AP5Z1: variants seen among roughly 807,000 people sequenced by gnomAD.
AP5Z1 encodes the protein AP-5 complex subunit zeta-1.
A neutral mutation model predicts 83.0 loss-of-function variants in AP5Z1; 106 were observed. The observed-to-expected ratio is 1.28, with a 90% CI of 1.09 to 1.50. The LOEUF (loss-of-function observed/expected upper bound fraction) is 1.50. Among genes scored for constraint, AP5Z1 ranks in the 40% most tolerant of loss-of-function variants. The pLI, the probability that AP5Z1 is intolerant of heterozygous loss-of-function variation, is 0.00. For missense variants in AP5Z1, 1,565 were observed against 1,094.2 expected, an observed-to-expected ratio of 1.43 and a Z score of -6.07; for synonymous variants, 751 against 514.1, an observed-to-expected ratio of 1.46 and a Z score of -6.23.
chr7:4,775,659 C>A lies in AP5Z1; in HGVS notation c.-57C>A. On this transcript the variant is annotated 5_prime_UTR_variant, in exon 1 of 17. In the 5' UTR this introduces an upstream ATG that the reference lacks. Transcript: ENST00000649063. ...GGAAGTTGACCGGGGTGCGGAGCTCCTGGGCTGCAGCTCCTGGAGTTTCCG... is the reference window on the plus strand; with the variant it reads ...GGAAGTTGACCGGGGTGCGGAGCTCATGGGCTGCAGCTCCTGGAGTTTCCG... The A allele has an allele frequency of 1.2e-6, 2 of 1,602,058 alleles. No individual in the cohort carries two copies. Among genetic ancestry groups the A allele is most frequent in the Non-Finnish European group, 1.7e-6 (2 of 1,178,698 alleles).
At chr7:4,784,758 G>A in intron 6 of AP5Z1, 150 bp from the exon 7 acceptor site, 1 of 1,098,734 alleles carries the variant, frequency 9.1e-7, no homozygotes, top group Non-Finnish European at 1.3e-6. Context: ...GAAGCTGCCG[G>A]GTGGGTGGAC....
chr7:4,785,301 T>C (rs1202601325), intron 7 of AP5Z1, 114 bp from the exon 8 acceptor site: 16 of 1,419,982 alleles, frequency 1.1e-5, no homozygotes, highest in Non-Finnish European at 1.4e-5. Context: ...CCTGGGGGCC[T>C]GTCCCACCCC....
chr7:4,791,046 C>A, intron 16 of AP5Z1, 69 bp from the exon 17 acceptor site: 2 of 1,487,884 alleles, frequency 1.3e-6, no homozygotes, highest in South Asian at 1.3e-5. Flanking sequence ...TCAGGCCTGG[C>A]CCCTCCACAC....
At position 4,788,312 on chromosome 7, in the gene AP5Z1, C is replaced by T. The variant is rs762908526; in HGVS notation, c.1595+18C>T. 1 of 1,563,156 alleles carries T rather than the reference C, an allele frequency of 6.4e-7. No individual in the cohort carries two copies. The highest frequency in any genetic ancestry group is 8.7e-7 in the Non-Finnish European group (1 of 1,153,944). On this transcript the variant is annotated intron_variant, in intron 12 of 16. Transcript: ENST00000649063. ...ACTGAGAGGTACGGGGCCCTAGGGC[C>T]AGGGGGCCACCAGTGGCTCAGAGAG... is the stretch of plus-strand genomic sequence containing the variant.
intron 3 of AP5Z1, 24 bp downstream of exon 3, chr7:4,781,778 GT>G: frequency 6.6e-7 from 1 of 1,519,592 alleles, no homozygotes; most frequent in Non-Finnish European, 8.9e-7. Context: ...CACCACCCCA[GT>G]TGGCACCGGA....
intron 1 of AP5Z1, among the ~76,000 whole-genome samples, chr7:4,776,746 G>C (rs1442146786): frequency 6.6e-6 from 1 of 151,660 alleles, no homozygotes; most frequent in African/African-American, 2.4e-5. Flanking sequence ...AAAGAAAAAA[G>C]AAAAAAAGTA....
rs752031110 is a variant in AP5Z1 at position 4,781,190 on chromosome 7, G to T, written c.57G>T (p.Glu19Asp). The T allele has an allele frequency of 1.2e-6, 2 of 1,613,736 alleles. No individual in the cohort carries two copies. The highest frequency in any genetic ancestry group is 8.5e-7 in the Non-Finnish European group (1 of 1,179,644). Residue 19 changes from glutamate to aspartate, a missense_variant, in exon 2 of 17, where the codon GAG becomes GAT. Transcript: ENST00000649063. ...CTTTGTTTAGGGAGATCCAGGACGA[G>T]GAGCTGAAGAAGTTCTGTTCCCGGA... ...LLHQAREIQD[E>D]ELKKFCSRIC...
chr7:4,788,226 C>A lies in AP5Z1; in HGVS notation c.1527C>A (p.Phe509Leu). 1 of 1,573,446 alleles carries A rather than the reference C, an allele frequency of 6.4e-7. No homozygotes were observed. Among genetic ancestry groups the A allele is most frequent in the African/African-American group, 1.3e-5 (1 of 74,122 alleles). The change falls in exon 12 of 17, where the codon TTC (phenylalanine) becomes TTA (leucine). Residue 509 changes from phenylalanine to leucine, a missense_variant. Transcript: ENST00000649063. ...SLRAPSCLEA[F>L]RDPQFQGLFQ... The stretch of plus-strand genomic sequence containing the variant: ...GGGCCCCCAGCTGCCTGGAGGCCTT[C>A]CGGGACCCGCAGTTCCAGGGTCTTT...
Position 4,790,580 on chromosome 7 carries a change from G to C in AP5Z1, c.1927G>C (p.Val643Leu). 6.2e-7 allele frequency: 1 copy of C among 1,612,998 alleles called. No individual in the cohort carries two copies. The highest frequency in any genetic ancestry group is 8.5e-7 in the Non-Finnish European group (1 of 1,179,858). ...VNGLCSRASL[V>L]TSVVWAIGEY... ...TGGTCTCTGCAGCAGGGCGAGCCTCGTCACCAGCGTGGTAAGGCGGGCGCT... is the reference window on the plus strand; with the variant it reads ...TGGTCTCTGCAGCAGGGCGAGCCTCCTCACCAGCGTGGTAAGGCGGGCGCT... Residue 643 changes from valine (V) to leucine (L), a missense_variant, in exon 15 of 17, where the codon GTC (valine) becomes CTC (leucine). By Grantham distance (32) the Val-to-Leu change is conservative. Transcript: ENST00000649063.
rs983115035 is a variant in AP5Z1, at chr7:4,783,792, C to T, written c.615C>T (p.Ala205=). The T allele has an allele frequency of 6.5e-7, 1 of 1,548,176 alleles. No homozygotes were observed. The highest frequency in any genetic ancestry group is 1.4e-5 in the African/African-American group (1 of 73,166). ...HSGGFFSTPR[A]RQPGPVTEVD... is the part of the protein sequence containing the mutation. ...GCGGCTTCTTCTCCACGCCCAGGGC[C>T]CGGCAGGTGAGGCTGGGACTGTTCT... Residue 205 remains alanine, a synonymous_variant, in exon 5 of 17, where the codon GCC becomes GCT. Transcript: ENST00000649063.
chr7:4,787,808 C>T, intron 11 of AP5Z1, 32 bp downstream of exon 11: 3 of 1,506,768 alleles, frequency 2.0e-6, no homozygotes, highest in Non-Finnish European at 1.8e-6. Context: ...AGCGCTGCGT[C>T]TCCCAGCCAG....
At position 4,789,900 on chromosome 7, in the gene AP5Z1, G is replaced by A. The variant is rs746346984; in HGVS notation, c.1776G>A (p.Pro592=). 83 of 1,550,078 alleles carry A rather than the reference G, an allele frequency of 5.4e-5. No homozygotes were observed. Among genetic ancestry groups the A allele is most frequent in the East Asian group, 1.2e-4 (5 of 40,994 alleles). ...TGGGCAGGAGCGACTCGCTCTACCC[G>A]GCCCCAGGGTACGCTGCCGGTGTGC... is the stretch of plus-strand genomic sequence containing the variant. ...LLLGRSDSLY[P]APGYAAGVHS... The change falls in exon 14 of 17, where the codon CCG becomes CCA. Residue 592 remains proline (P), a synonymous_variant. Coordinates refer to ENST00000649063, the MANE Select transcript of AP5Z1 (RefSeq NM_014855.3).
chr7:4,785,482 G>A (rs372941054), intron 8 of AP5Z1, 30 bp downstream of exon 8: 53 of 1,612,808 alleles, frequency 3.3e-5, no homozygotes, highest in East Asian at 2.2e-5. Context: ...GGGATGGGAG[G>A]CAGCGACTCG....
intron 2 of AP5Z1, 68 bp downstream of exon 2, chr7:4,781,380 G>A: frequency 2.5e-6 from 4 of 1,603,292 alleles, no homozygotes; most frequent in Non-Finnish European, 3.4e-6. Flanking sequence ...CCCACGCCCA[G>A]CAGGTCACTG....
chr7:4,783,984 G>A (rs1204814593), intron 5 of AP5Z1, among the ~76,000 whole-genome samples, 186 bp downstream of exon 5: 1 of 152,210 alleles, frequency 6.6e-6, no homozygotes. Context: ...CTGGGGGTCT[G>A]TGCGCGGGTT....
chr7:4,781,675 C>G lies in AP5Z1; in HGVS notation c.287C>G (p.Ser96Cys). 3 of 1,600,108 alleles carry G rather than the reference C, an allele frequency of 1.9e-6. No individual in the cohort carries two copies. The highest frequency in any genetic ancestry group is 2.6e-6 in the Non-Finnish European group (3 of 1,169,324). ...GCCATCCTGCGAGAGATGTCCCCCT[C>G]TGACAGCCTCAGCCTGGCCTGGGAC... The part of the protein sequence containing the change: ...CAAILREMSP[S>C]DSLSLAWDHT... The change falls in exon 3 of 17, where the codon TCT (serine) becomes TGT (cysteine). Residue 96 changes from serine to cysteine, a missense_variant. Ser to Cys is a moderately radical substitution (Grantham distance 112). Transcript: ENST00000649063.
At chr7:4,787,578 C>T in intron 10 of AP5Z1, 56 bp from the exon 11 acceptor site, 1 of 1,520,240 alleles carries the variant, frequency 6.6e-7, no homozygotes, top group Non-Finnish European at 8.8e-7. Flanking sequence ...GCTCCTCCCT[C>T]TGCCGCCTGC....
At chr7:4,790,421 T>C in intron 14 of AP5Z1, 38 bp from the exon 15 acceptor site, 1 of 1,612,378 alleles carries the variant, frequency 6.2e-7, no homozygotes, top group Non-Finnish European at 8.5e-7. Flanking sequence ...GGGTCATAGG[T>C]CTGCACAGAG....
At position 4,791,349 on chromosome 7, in the gene AP5Z1, G is replaced by C. The variant is rs767978318; in HGVS notation, c.2388G>C (p.Arg796=). The change falls in exon 17 of 17, where the codon CGG becomes CGC. Residue 796 remains arginine (R), a synonymous_variant. Coordinates refer to ENST00000649063, the MANE Select transcript of AP5Z1 (RefSeq NM_014855.3). ...ALPLALRTVS[R]LVEREAGLMP... ...CCCTGGCCCTGCGCACGGTCAGCCGGCTGGTGGAGAGGGAGGCCGGCCTCA... is the reference window on the plus strand; with the variant it reads ...CCCTGGCCCTGCGCACGGTCAGCCGCCTGGTGGAGAGGGAGGCCGGCCTCA... 1.2e-6 allele frequency: 2 copies of C among 1,608,866 alleles called. No individual in the cohort carries two copies. The highest frequency in any genetic ancestry group is 3.4e-5 in the Admixed American group (2 of 59,582).
Sources: allele counts gnomAD v4.1 joint callset (sites outside exome capture counted in the v4.1 genomes callset), GRCh38; gene constraint gnomAD v4.1.1; transcripts MANE v1.5; gene names NCBI Gene and HGNC (gene_info 2026-07-23, HGNC 2026-07-21).